The following EMILIN2 variants were observed in gnomAD, a reference collection of about 807,000 sequenced individuals.
The protein encoded by EMILIN2 is EMILIN-2.
A neutral mutation model predicts 87.1 loss-of-function variants in EMILIN2; 71 were observed. That is an observed-to-expected ratio of 0.82 (90% CI 0.67 to 0.99). EMILIN2 has a LOEUF of 0.99. Ranked by LOEUF, EMILIN2 falls within the 50% of genes least tolerant of loss-of-function variation. The pLI, the probability that EMILIN2 is intolerant of heterozygous loss-of-function variation, is 0.00. For missense variants in EMILIN2, 1,407 were observed against 1,371.8 expected (o/e 1.03, Z -0.40); for synonymous variants, 581 against 563.4 (o/e 1.03, Z -0.44).
At chr18:2,910,166 C>A (rs1474189269) in intron 7 of EMILIN2, among the ~76,000 whole-genome samples, 1 of 143,370 alleles carries the variant, frequency 7.0e-6, no homozygotes, top group South Asian at 2.3e-4. Flanking sequence ...CCTCTGATAG[C>A]CACCATTGCA....
At chr18:2,899,557 T>C (rs145367304) in intron 4 of EMILIN2, among the ~76,000 whole-genome samples, 12 of 152,108 alleles carry the variant, frequency 7.9e-5, no homozygotes, top group Non-Finnish European at 1.8e-4. Flanking sequence ...CAGGCTGGAG[T>C]GCAGTGGCAC....
Position 2,913,305 on chromosome 18 carries a change from C to T in EMILIN2, c.3063C>T (p.Asn1021=), listed in dbSNP as rs772267181. 3.1e-6 allele frequency: 5 copies of T among 1,612,842 alleles called. No individual in the cohort carries two copies. The highest frequency in any genetic ancestry group is 2.5e-6 in the Non-Finnish European group (3 of 1,179,292). ...ACCTGAAGGCGGGAGATGCAGTCAA[C>T]GTCGTGGTGACTGGGGGCAAGCTGG... ...IVHLKAGDAV[N]VVVTGGKLAH... is the part of the protein sequence containing the mutation. Residue 1021 remains asparagine (N), a synonymous_variant, in exon 8 of 8, where the codon AAC becomes AAT. Coordinates refer to ENST00000254528, the MANE Select transcript of EMILIN2 (RefSeq NM_032048.3).
At chr18:2,910,579 C>T (rs542233965) in intron 7 of EMILIN2, among the ~76,000 whole-genome samples, 34 of 152,272 alleles carry the variant, frequency 2.2e-4, no homozygotes, top group Admixed American at 1.6e-3. Flanking sequence ...TCTTTCCTGA[C>T]GTCTCTCTCT....
chr18:2,865,824 C>G (rs1385686020), intron 2 of EMILIN2, among the ~76,000 whole-genome samples: 1 of 152,234 alleles, frequency 6.6e-6, no homozygotes, highest in Non-Finnish European at 1.5e-5. Context: ...TCTACAGAGG[C>G]AGGCAGGCCT....
Position 2,890,721 on chromosome 18 carries a change from T to C in EMILIN2, c.594T>C (p.Val198=). Residue 198 remains valine, a synonymous_variant, in exon 4 of 8, where the codon GTT becomes GTC. Coordinates refer to ENST00000254528, the MANE Select transcript of EMILIN2 (RefSeq NM_032048.3). The surrounding 1 kb of genome is among the most constrained non-coding windows in gnomAD (Gnocchi z 4.7). ...AGGTTCTTCGACTCACAAGGACGGT[T>C]CTTGACCTCCAGTCTTCCCTTGCTG... is the stretch of plus-strand genomic sequence containing the variant. The part of the protein sequence containing the change: ...EEKVLRLTRT[V]LDLQSSLAGV... 6.2e-7 allele frequency: 1 copy of C among 1,614,136 alleles called. No individual in the cohort carries two copies. The highest frequency in any genetic ancestry group is 8.5e-7 in the Non-Finnish European group (1 of 1,180,002).
chr18:2,852,634 T>C (rs985275638), intron 2 of EMILIN2, among the ~76,000 whole-genome samples: 1 of 152,176 alleles, frequency 6.6e-6, no homozygotes, highest in Admixed American at 6.5e-5. Context: ...TTCTCCTGCC[T>C]CAGCCTGCTG....
chr18:2,867,138 A>C (rs897864262), intron 2 of EMILIN2, among the ~76,000 whole-genome samples: 14 of 151,864 alleles, frequency 9.2e-5, no homozygotes, highest in African/African-American at 3.4e-4. Flanking sequence ...TTCATCAGGG[A>C]TATTGGTCTG....
chr18:2,889,199 A>G (rs2076820120), intron 3 of EMILIN2, among the ~76,000 whole-genome samples: 1 of 129,842 alleles, frequency 7.7e-6, no homozygotes, highest in East Asian at 2.2e-4. Flanking sequence ...GTACAGCGGC[A>G]CTATGTCGGC....
chr18:2,860,591 T>C (rs2076655991), intron 2 of EMILIN2, among the ~76,000 whole-genome samples: 1 of 152,240 alleles, frequency 6.6e-6, no homozygotes, highest in Non-Finnish European at 1.5e-5. Flanking sequence ...GGCTGTATAG[T>C]ATTCCATGGT....
In EMILIN2 at chr18:2,891,739, GA is replaced by G; in HGVS notation, c.1614del (p.Glu538AspfsTer2). 1 of 1,614,182 alleles carries G rather than the reference GA, an allele frequency of 6.2e-7. No individual in the cohort carries two copies. Among genetic ancestry groups the G allele is most frequent in the Non-Finnish European group, 8.5e-7 (1 of 1,180,042 alleles). On this transcript the variant is annotated frameshift_variant, in exon 4 of 8. Coordinates refer to ENST00000254528, the MANE Select transcript of EMILIN2 (RefSeq NM_032048.3). LOFTEE classifies it high-confidence loss of function. This position sits in a 1 kb window ranked among gnomAD's most constrained non-coding sequence, Gnocchi z 4.6. Reference sequence around the variant, plus strand: ...GTCAGGAGATGAACGGGTCATGATGGAATTAAACCACCTGAAGGACAAAGTT... The same window carrying G: ...GTCAGGAGATGAACGGGTCATGATGGATTAAACCACCTGAAGGACAAAGTT... ...SGSGDERVMM[E>X]LNHLKDKVQV...
chr18:2,913,146 A>T lies in EMILIN2; in HGVS notation c.2904A>T (p.Ala968=). ...CCGAGAGAGACGCCTACGTGGAAGC[A>T]GTGCTGTCGGTCTCCAACGCCAGCG... ...LTPERDAYVE[A]VLSVSNASVA... is the part of the protein sequence containing the mutation. Residue 968 remains alanine, a synonymous_variant, in exon 8 of 8, where the codon GCA becomes GCT. Transcript: ENST00000254528. 6.2e-7 allele frequency: 1 copy of T among 1,613,586 alleles called. No homozygotes were observed. The highest frequency in any genetic ancestry group is 8.5e-7 in the Non-Finnish European group (1 of 1,179,960).
chr18:2,867,983 A>ACCCC (rs1279398258), intron 2 of EMILIN2, among the ~76,000 whole-genome samples: 1 of 145,580 alleles, frequency 6.9e-6, no homozygotes, highest in East Asian at 2.0e-4. Flanking sequence ...CAGGGGGCTG[A>ACCCC]CCCCCCCACC....
chr18:2,888,663 C>T (rs193192585), intron 3 of EMILIN2, among the ~76,000 whole-genome samples: 2,456 of 145,262 alleles, frequency 0.017, 62 homozygotes, highest in African/African-American at 0.051. Context: ...TGCAGTGAGC[C>T]GAGATAGCAC....
In EMILIN2 at chr18:2,890,808, G is replaced by A. The variant is rs144964001; in HGVS notation, c.681G>A (p.Gly227=). Residue 227 remains glycine, a synonymous_variant, in exon 4 of 8, where the codon GGG becomes GGA. Coordinates refer to ENST00000254528, the MANE Select transcript of EMILIN2 (RefSeq NM_032048.3). This position sits in a 1 kb window ranked among gnomAD's most constrained non-coding sequence, Gnocchi z 4.7. Reference sequence around the variant, plus strand: ...ATGCCAGTAGAACACGGGCACCAGGGCTCAGCAGCCAGCACCCCAAGCCTG... The same window carrying A: ...ATGCCAGTAGAACACGGGCACCAGGACTCAGCAGCCAGCACCCCAAGCCTG... The part of the protein sequence containing the change: ...QDDASRTRAP[G]LSSQHPKPDT... 3 of 1,613,662 alleles carry A rather than the reference G, an allele frequency of 1.9e-6. No homozygotes were observed. The highest frequency in any genetic ancestry group is 1.3e-5 in the African/African-American group (1 of 75,040).
intron 4 of EMILIN2, among the ~76,000 whole-genome samples, chr18:2,902,672 G>A (rs1176878221): frequency 6.6e-6 from 1 of 152,202 alleles, no homozygotes; most frequent in Non-Finnish European, 1.5e-5. Context: ...GAGTCAGTTT[G>A]ATTTTTACGA....
At chr18:2,873,941 C>G (rs17553620) in intron 2 of EMILIN2, among the ~76,000 whole-genome samples, 42,253 of 151,870 alleles carry the variant, frequency 0.28, 6,127 homozygotes, top group African/African-American at 0.34. Context: ...GCCGTGGTAT[C>G]AAACCTTATA....
Position 2,848,052 on chromosome 18 carries a change from C to T in EMILIN2, c.257+121C>T, listed in dbSNP as rs1227179671. ...AATCCCTTCCAGATCCGGTGAAAAG[C>T]CCGCAGCGGAAAAGCGCTCCGAGCG... On this transcript the variant is annotated intron_variant, in intron 2 of 7. Transcript: ENST00000254528. This position sits in a 1 kb window ranked among gnomAD's most constrained non-coding sequence, Gnocchi z 4.1. The T allele has an allele frequency of 1.1e-5, 14 of 1,287,866 alleles. 1 individual carries two copies. In the South Asian group the frequency reaches 2.0e-4, roughly 19 times the overall value. 79.8% of individuals were successfully genotyped at this position (1,287,866 alleles called of 1,614,324 possible).
chr18:2,847,664 T>C lies in EMILIN2; in HGVS notation c.135-145T>C. The C allele has an allele frequency of 1.5e-6, 2 of 1,328,076 alleles. No homozygotes were observed. The highest frequency in any genetic ancestry group is 2.9e-5 in the Admixed American group (1 of 34,136). 82.3% of individuals were successfully genotyped at this position (1,328,076 alleles called of 1,614,324 possible). A position where few individuals can be genotyped will look rare whatever the true frequency, so the allele number is the denominator to read the frequency against. On this transcript the variant is annotated intron_variant, in intron 1 of 7. Transcript: ENST00000254528. The surrounding 1 kb of genome is among the most constrained non-coding windows in gnomAD (Gnocchi z 4.5). The stretch of plus-strand genomic sequence containing the variant: ...AGGCGCACCCGGGCACCCTCCGGCG[T>C]CTGCTCGGTGAAGCTCCCGCCTCCG...
At chr18:2,911,392 C>T (rs112053254) in intron 7 of EMILIN2, among the ~76,000 whole-genome samples, 3 of 152,176 alleles carry the variant, frequency 2.0e-5, no homozygotes, top group African/African-American at 7.2e-5. Context: ...AGTTAAACAC[C>T]ATTTGAAACA....
Sources: gnomAD v4.1 joint callset for allele counts (sites outside exome capture counted in the v4.1 genomes callset) on GRCh38, gnomAD v4.1.1 for gene constraint, Gnocchi (gnomAD v3.1) non-coding constraint, MANE v1.5 for transcripts, NCBI Gene and HGNC (gene_info 2026-07-23, HGNC 2026-07-21) for gene names.